Variants in MYBPC1 observed in about 807,000 individuals in gnomAD.
MYBPC1 encodes myosin-binding protein C, slow-type.
A neutral mutation model predicts 147.1 loss-of-function variants in MYBPC1; 52 were observed. That is an observed-to-expected ratio of 0.35 (90% CI 0.28 to 0.45). MYBPC1 has a LOEUF of 0.45. Ranked by LOEUF, MYBPC1 falls within the 20% of genes least tolerant of loss-of-function variation. The probability of loss-of-function intolerance (pLI) is 1.00; values close to 1 mark genes in which losing one functional copy is unlikely to be tolerated. For missense variants in MYBPC1, 1,228 were observed against 1,440.3 expected, an observed-to-expected ratio of 0.85 and a Z score of 2.39; for synonymous variants, 477 against 475.9, an observed-to-expected ratio of 1.00 and a Z score of -0.03.
Position 101,636,605 on chromosome 12 carries a change from T to C in MYBPC1, c.609-67T>C. 6 of 1,343,252 alleles carry C rather than the reference T, an allele frequency of 4.5e-6. No homozygotes were observed. The South Asian group carries it at 7.1e-5, about 16-fold the overall frequency. The allele number at this position is 1,343,252 out of a possible 1,614,324, so 83.2% of individuals were successfully genotyped here. On this transcript the variant is annotated intron_variant, in intron 9 of 31. Transcript: ENST00000361466. The stretch of plus-strand genomic sequence containing the variant: ...TTGCATATACGTTACATGTAGAGTG[T>C]TTGGGGGAAATTGTTGTGTATGTCT...
chr12:101,659,717 G>A lies in MYBPC1; in HGVS notation c.1813G>A (p.Asp605Asn), dbSNP rs145755237. 6 of 1,613,980 alleles carry A rather than the reference G, an allele frequency of 3.7e-6. No homozygotes were observed. In the African/African-American group the frequency reaches 8.0e-5, roughly 22 times the overall value. Residue 605 changes from aspartate to asparagine, a missense_variant, in exon 19 of 32, where the codon GAT (aspartate) becomes AAT (asparagine). This residue lies in a region of MYBPC1 where 1,077 missense variants were observed against 1,314.2 expected (regional missense o/e 0.82). Transcript: ENST00000361466. ...CCGGATAAGAACAGAATCTTACCCTGATAGCAGCACTCTGGTCATTGATAT... is the reference window on the plus strand; with the variant it reads ...CCGGATAAGAACAGAATCTTACCCTAATAGCAGCACTCTGGTCATTGATAT... The part of the protein sequence containing the change: ...SGRIRTESYP[D>N]SSTLVIDIAE...
chr12:101,685,489 C>T, intron 31 of MYBPC1, 93 bp from the exon 32 acceptor site: 1 of 839,848 alleles, frequency 1.2e-6, no homozygotes, highest in South Asian at 1.5e-5. Context: ...CATGATTAGT[C>T]ACATTTCCAG....
intron 22 of MYBPC1, among the ~76,000 whole-genome samples, chr12:101,663,996 C>T (rs768890309): frequency 1.3e-5 from 2 of 152,184 alleles, no homozygotes; most frequent in Admixed American, 6.5e-5. Context: ...ACATATTTGG[C>T]TAGTAATCAT....
chr12:101,684,242 C>G (rs1951211724), intron 30 of MYBPC1, 140 bp from the exon 31 acceptor site: 5 of 736,766 alleles, frequency 6.8e-6, no homozygotes. Flanking sequence ...TTTCCTACAT[C>G]TTTTACATGA....
chr12:101,644,771 G>A lies in MYBPC1; in HGVS notation c.940G>A (p.Gly314Ser), dbSNP rs1565946959. ...GTTGGAGGTGAAATGGTATAAAAAT[G>A]GTCAAGAAATTCGACCCAGTACCAA... ...PKLEVKWYKN[G>S]QEIRPSTKYI... Residue 314 changes from glycine to serine, a missense_variant, in exon 12 of 32, where the codon GGT becomes AGT. Coordinates refer to ENST00000361466, the MANE Select transcript of MYBPC1 (RefSeq NM_002465.4). 6.2e-7 allele frequency: 1 copy of A among 1,613,966 alleles called. No individual in the cohort carries two copies. Among genetic ancestry groups the A allele is most frequent in the Admixed American group, 1.7e-5 (1 of 60,024 alleles).
chr12:101,617,822 T>C (rs747445072), intron 3 of MYBPC1, among the ~76,000 whole-genome samples: 5 of 152,214 alleles, frequency 3.3e-5, no homozygotes, highest in Non-Finnish European at 7.3e-5. Flanking sequence ...GGAGATAGTC[T>C]CATTTTAGAA....
rs775985343 is a variant in MYBPC1 at position 101,627,800 on chromosome 12, T to C, written c.174T>C (p.Asp58=). The part of the protein sequence containing the change: ...GLGSRALERK[D]SDWTLVETPP... ...GTAGTCGGGCCCTGGAGAGAAAAGATTCAGGTGAGCGCAAGCCCAGAGAAG... is the reference window on the plus strand; with the variant it reads ...GTAGTCGGGCCCTGGAGAGAAAAGACTCAGGTGAGCGCAAGCCCAGAGAAG... Residue 58 remains aspartate, a synonymous_variant, in exon 5 of 32, where the codon GAT becomes GAC. Coordinates refer to ENST00000361466, the MANE Select transcript of MYBPC1 (RefSeq NM_002465.4). 4 of 1,613,888 alleles carry C rather than the reference T, an allele frequency of 2.5e-6. No individual in the cohort carries two copies. The highest frequency in any genetic ancestry group is 3.3e-5 in the Admixed American group (2 of 60,012).
intron 22 of MYBPC1, among the ~76,000 whole-genome samples, chr12:101,666,042 T>C (rs956074508): frequency 1.3e-5 from 2 of 151,658 alleles, no homozygotes; most frequent in East Asian, 1.9e-4. Context: ...CCTCTCCTGA[T>C]ACTGAGAAAG....
At position 101,673,552 on chromosome 12, in the gene MYBPC1, T is replaced by C. The variant is rs767583675; in HGVS notation, c.2739T>C (p.Ser913=). Residue 913 remains serine (S), a synonymous_variant, in exon 25 of 32, where the codon TCT becomes TCC. Transcript: ENST00000361466. ...TTAGAAAAGCAGAGAGGAGCCACTC[T>C]GGGAAATATGATCTGCAAGTCAAAG... is the stretch of plus-strand genomic sequence containing the variant. ...IFIRKAERSH[S]GKYDLQVKVD... is the part of the protein sequence containing the mutation. The C allele has an allele frequency of 1.2e-6, 2 of 1,614,076 alleles. No individual in the cohort carries two copies. Among genetic ancestry groups the C allele is most frequent in the Middle Eastern group, 1.6e-4 (1 of 6,082 alleles).
At chr12:101,680,873 TCTATAAATAGAAGC>T (rs1200650587) in intron 29 of MYBPC1, among the ~76,000 whole-genome samples, 1 of 152,250 alleles carries the variant, frequency 6.6e-6, no homozygotes, top group African/African-American at 2.4e-5. Flanking sequence ...ACATAACCCA[TCTATAAATAGAAGC>T]CTAGTGTAAA....
At chr12:101,661,996 C>T (rs1896664443) in intron 20 of MYBPC1, among the ~76,000 whole-genome samples, 2 of 151,780 alleles carry the variant, frequency 1.3e-5, no homozygotes, top group African/African-American at 2.4e-5. Context: ...AATAATGAGA[C>T]TCACAAAACT....
At chr12:101,598,037 T>A (rs941276525) in intron 1 of MYBPC1, among the ~76,000 whole-genome samples, 2 of 147,880 alleles carry the variant, frequency 1.4e-5, no homozygotes, top group Admixed American at 6.8e-5. Flanking sequence ...TTTTTTTTTT[T>A]AAGACAGTAT....
At chr12:101,629,339 A>G (rs1309847671) in intron 5 of MYBPC1, 95 bp from the exon 6 acceptor site, 1 of 840,420 alleles carries the variant, frequency 1.2e-6, no homozygotes, top group Non-Finnish European at 2.0e-6. Context: ...AGACAAAGAA[A>G]AGCTACAGCG....
At chr12:101,613,810 T>A (rs1041580734) in intron 1 of MYBPC1, among the ~76,000 whole-genome samples, 1 of 152,166 alleles carries the variant, frequency 6.6e-6, no homozygotes, top group African/African-American at 2.4e-5. Context: ...CACGTATGCT[T>A]CCAGAAACAA....
intron 18 of MYBPC1, among the ~76,000 whole-genome samples, chr12:101,659,025 GA>G (rs1383293624): frequency 9.3e-5 from 14 of 150,124 alleles, no homozygotes; most frequent in African/African-American, 3.2e-4. Context: ...GTTTAAGAAA[GA>G]AGAAAAAAAG....
At chr12:101,626,159 A>C (rs1443061492) in intron 3 of MYBPC1, among the ~76,000 whole-genome samples, 1 of 151,690 alleles carries the variant, frequency 6.6e-6, no homozygotes, top group East Asian at 1.9e-4. Context: ...AGGCTGACTA[A>C]ATTTACAAAT....
intron 1 of MYBPC1, among the ~76,000 whole-genome samples, chr12:101,604,604 TA>T (rs1195731144): frequency 6.6e-6 from 1 of 152,150 alleles, no homozygotes; most frequent in Non-Finnish European, 1.5e-5. Flanking sequence ...CTTTAAAAAA[TA>T]AAGTACAGTG....
the MYBPC1 span, among the ~76,000 whole-genome samples, chr12:101,694,564 CTCTT>C: frequency 2.0e-5 from 3 of 152,206 alleles, no homozygotes; most frequent in Non-Finnish European, 4.4e-5. Flanking sequence ...AGAGCTTCCT[CTCTT>C]TCTCTCTCTG....
chr12:101,694,448 T>G, the MYBPC1 span, among the ~76,000 whole-genome samples: 1 of 152,252 alleles, frequency 6.6e-6, no homozygotes, highest in African/African-American at 2.4e-5. Flanking sequence ...TCCTCCACAA[T>G]GTGATGGTAT....
Sources: gnomAD v4.1 joint callset for allele counts (sites outside exome capture counted in the v4.1 genomes callset) on GRCh38, gnomAD v4.1.1 for gene constraint, gnomAD v4.1.1 regional missense constraint, MANE v1.5 for transcripts, NCBI Gene and HGNC (gene_info 2026-07-23, HGNC 2026-07-21) for gene names.